CNTNAP4: variants seen among roughly 807,000 people sequenced by gnomAD.
CNTNAP4 encodes contactin associated protein family member 4.
In CNTNAP4, 98 loss-of-function variants were observed where a neutral mutation model predicts 148.4. The ratio of observed to expected loss-of-function variants is 0.66; its 90% CI spans 0.56 to 0.78. CNTNAP4 has a LOEUF of 0.78. CNTNAP4 is among the 30% of genes least tolerant of loss of function. The probability of loss-of-function intolerance (pLI) is 0.00; values close to 1 mark genes in which losing one functional copy is unlikely to be tolerated. For missense variants in CNTNAP4, 1,935 were observed against 1,565.6 expected (o/e 1.24, Z -3.98); for synonymous variants, 730 against 565.1 (o/e 1.29, Z -4.14).
At chr16:76,440,026 A>C (rs771349324) in intron 4 of CNTNAP4, among the ~76,000 whole-genome samples, 6 of 104,712 alleles carry the variant, frequency 5.7e-5, no homozygotes, top group Non-Finnish European at 1.1e-4. Context: ...TTAGAAGTCA[A>C]AATTGGACCT....
chr16:76,419,513 C>T (rs188131059), intron 3 of CNTNAP4, among the ~76,000 whole-genome samples: 20 of 152,150 alleles, frequency 1.3e-4, no homozygotes, highest in African/African-American at 3.6e-4. Flanking sequence ...TTCTCACTCT[C>T]ATGCTAGTCT....
At chr16:76,325,498 A>G (rs1196175222) in intron 2 of CNTNAP4, among the ~76,000 whole-genome samples, 2 of 152,186 alleles carry the variant, frequency 1.3e-5, no homozygotes, top group Non-Finnish European at 2.9e-5. Flanking sequence ...ATCATTAATT[A>G]GAGAATACTT....
Position 76,558,791 on chromosome 16 carries a change from C to T in CNTNAP4, c.*108C>T, listed in dbSNP as rs2085302558. The T allele has an allele frequency of 1.3e-6, 1 of 783,238 alleles. No homozygotes were observed. The highest frequency in any genetic ancestry group is 2.0e-6 in the Non-Finnish European group (1 of 505,064). The allele number at this position is 783,238 out of a possible 1,614,324, so 48.5% of individuals were successfully genotyped here. A position where few individuals can be genotyped will look rare whatever the true frequency, so the allele number is the denominator to read the frequency against. ...ACTGAATGTACAGGCAGTGGGCTTG[C>T]AGCACTGCCATCTTGCCATGTACAG... On this transcript the variant is annotated 3_prime_UTR_variant, in exon 24 of 24. Coordinates refer to ENST00000611870, the MANE Select transcript of CNTNAP4 (RefSeq NM_033401.5).
At chr16:76,403,156 G>T (rs911933493) in intron 3 of CNTNAP4, among the ~76,000 whole-genome samples, 1 of 151,058 alleles carries the variant, frequency 6.6e-6, no homozygotes, top group Non-Finnish European at 1.5e-5. Context: ...GCAGTGGCGC[G>T]ATCTCGACTC....
intron 15 of CNTNAP4, among the ~76,000 whole-genome samples, chr16:76,503,208 A>G (rs1214217894): frequency 6.6e-6 from 1 of 152,176 alleles, no homozygotes; most frequent in Non-Finnish European, 1.5e-5. Context: ...GATAAAGGCA[A>G]GAATGTCTGC....
intron 15 of CNTNAP4, among the ~76,000 whole-genome samples, chr16:76,506,765 C>T (rs1380437097): frequency 1.0e-5 from 1 of 95,532 alleles, no homozygotes; most frequent in Non-Finnish European, 3.0e-5. Context: ...GCCACCCCAC[C>T]TGCCTGGGTA....
intron 3 of CNTNAP4, among the ~76,000 whole-genome samples, chr16:76,419,326 A>G (rs1285193081): frequency 6.6e-6 from 1 of 152,004 alleles, no homozygotes. Flanking sequence ...TCTTTTCTTC[A>G]GGAGAATAGC....
chr16:76,501,225 G>T (rs1183169195), intron 15 of CNTNAP4, among the ~76,000 whole-genome samples: 1 of 152,232 alleles, frequency 6.6e-6, no homozygotes, highest in Non-Finnish European at 1.5e-5. Context: ...TATGTGCAAA[G>T]AGATGAGGTT....
At chr16:76,419,767 C>T (rs9940338) in intron 3 of CNTNAP4, among the ~76,000 whole-genome samples, 63,876 of 151,736 alleles carry the variant, frequency 0.42, 13,833 homozygotes, top group African/African-American at 0.51. Flanking sequence ...TTGAAAAGTC[C>T]GAGAACAAGG....
chr16:76,391,773 G>T (rs1246699671), intron 3 of CNTNAP4, among the ~76,000 whole-genome samples: 5 of 152,140 alleles, frequency 3.3e-5, no homozygotes, highest in Non-Finnish European at 7.3e-5. Context: ...TCTAGCATCA[G>T]CATCATCAGA....
chr16:76,314,746 C>T (rs1442535372), intron 1 of CNTNAP4, among the ~76,000 whole-genome samples: 2 of 152,092 alleles, frequency 1.3e-5, no homozygotes, highest in Admixed American at 1.3e-4. Flanking sequence ...GCCTCATTTT[C>T]CTAGCCCTCA....
At chr16:76,528,337 C>T (rs28691082) in intron 17 of CNTNAP4, among the ~76,000 whole-genome samples, 11,214 of 152,202 alleles carry the variant, frequency 0.074, 596 homozygotes, top group African/African-American at 0.15. Flanking sequence ...GCAATCTTGG[C>T]TCACTGCAAC....
chr16:76,406,958 C>T (rs2078618703), intron 3 of CNTNAP4, among the ~76,000 whole-genome samples: 1 of 152,124 alleles, frequency 6.6e-6, no homozygotes, highest in Non-Finnish European at 1.5e-5. Flanking sequence ...CACTAAACAA[C>T]AGATTTTCAG....
intron 12 of CNTNAP4, among the ~76,000 whole-genome samples, chr16:76,485,070 G>C (rs2081978717): frequency 1.3e-5 from 2 of 152,128 alleles, no homozygotes; most frequent in South Asian, 2.1e-4. Flanking sequence ...TAATTAGTTA[G>C]AGTAAGGTGA....
intron 3 of CNTNAP4, among the ~76,000 whole-genome samples, chr16:76,423,310 T>A (rs960398553): frequency 1.3e-5 from 2 of 151,680 alleles, no homozygotes; most frequent in Non-Finnish European, 2.9e-5. Flanking sequence ...ACTTTAAGAG[T>A]GAAACAAAGA....
At chr16:76,493,649 C>T (rs2082302852) in intron 13 of CNTNAP4, among the ~76,000 whole-genome samples, 1 of 152,038 alleles carries the variant, frequency 6.6e-6, no homozygotes, top group African/African-American at 2.4e-5. Flanking sequence ...ATGTTTTAAG[C>T]AGTATATTGA....
In CNTNAP4 at chr16:76,467,362, CA is replaced by C. The variant is rs1250439449; in HGVS notation, c.1498del (p.Ser500AlafsTer17). On this transcript the variant is annotated frameshift_variant, in exon 10 of 24. Coordinates refer to ENST00000611870, the MANE Select transcript of CNTNAP4 (RefSeq NM_033401.5). LOFTEE classifies it high-confidence loss of function. Reference sequence around the variant, plus strand: ...TTTCGTTTTTATCAGGTTGTCCTGACAAAAGCTTTGGATCCAAATGTAAAAG... The same window carrying C: ...TTTCGTTTTTATCAGGTTGTCCTGACAAAGCTTTGGATCCAAATGTAAAAG... ...GTYYFGGCPDKSFGSKCKSPL... is the reference protein window; with the variant it reads ...GTYYFGGCPDXSFGSKCKSPL... 1 of 1,613,578 alleles carries C rather than the reference CA, an allele frequency of 6.2e-7. No individual in the cohort carries two copies. Among genetic ancestry groups the C allele is most frequent in the Non-Finnish European group, 8.5e-7 (1 of 1,179,762 alleles).
chr16:76,543,184 G>C (rs796912461), intron 21 of CNTNAP4, among the ~76,000 whole-genome samples: 17 of 151,778 alleles, frequency 1.1e-4, no homozygotes, highest in African/African-American at 3.9e-4. Context: ...TCTCCTAAAA[G>C]TATAAGTGAT....
rs777103208 is a variant in CNTNAP4 at position 76,553,401 on chromosome 16, C to A, written c.3561C>A (p.His1187Gln). Residue 1187 changes from histidine to glutamine, a missense_variant, in exon 22 of 24, where the codon CAC (histidine) becomes CAA (glutamine). Coordinates refer to ENST00000611870, the MANE Select transcript of CNTNAP4 (RefSeq NM_033401.5). ...APLKAALHPS[H>Q]PDPVTVTGHV... ...TGAAGGCAGCTCTGCACCCCAGCCA[C>A]CCAGACCCTGTCACTGTTACAGGAC... 1.9e-6 allele frequency: 3 copies of A among 1,612,674 alleles called. No individual in the cohort carries two copies. The highest frequency in any genetic ancestry group is 2.5e-6 in the Non-Finnish European group (3 of 1,179,324).
Sources: allele counts gnomAD v4.1 joint callset (sites outside exome capture counted in the v4.1 genomes callset), GRCh38; gene constraint gnomAD v4.1.1; transcripts MANE v1.5; gene names NCBI Gene and HGNC (gene_info 2026-07-23, HGNC 2026-07-21).